LRFN2: variants seen among roughly 807,000 people sequenced by gnomAD.
The protein encoded by LRFN2 is leucine-rich repeat and fibronectin type-III domain-containing protein 2.
In LRFN2, 18 loss-of-function variants were observed where a neutral mutation model predicts 37.3. The ratio of observed to expected loss-of-function variants is 0.48; its 90% CI spans 0.33 to 0.72. The LOEUF (loss-of-function observed/expected upper bound fraction) is 0.72, where lower values mean the gene tolerates loss of function less well. Among genes scored for constraint, LRFN2 ranks in the 30% least tolerant of loss-of-function variants. The pLI is 0.02. For synonymous variants in LRFN2, 556 were observed against 466.6 expected, an observed-to-expected ratio of 1.19 and a Z score of -2.47; for missense variants, 1,006 against 1,060.7, an observed-to-expected ratio of 0.95 and a Z score of 0.72.
chr6:40,490,809 G>A (rs1479497398), intron 1 of LRFN2, among the ~76,000 whole-genome samples: 1 of 152,208 alleles, frequency 6.6e-6, no homozygotes, highest in Non-Finnish European at 1.5e-5. Context: ...ACCTGCCTGG[G>A]GCAGGGGAGA....
At chr6:40,465,445 CA>C (rs894909342) in intron 1 of LRFN2, among the ~76,000 whole-genome samples, 1 of 152,212 alleles carries the variant, frequency 6.6e-6, no homozygotes, top group African/African-American at 2.4e-5. Flanking sequence ...TGCTTATGAG[CA>C]GCCCCATATT....
chr6:40,538,608 A>G (rs913587793), intron 1 of LRFN2, among the ~76,000 whole-genome samples: 2 of 152,170 alleles, frequency 1.3e-5, no homozygotes, highest in African/African-American at 4.8e-5. Flanking sequence ...ATAAACCCCA[A>G]TCATTCCCTG....
At chr6:40,581,290 G>A (rs1045335266) in intron 1 of LRFN2, among the ~76,000 whole-genome samples, 3 of 152,182 alleles carry the variant, frequency 2.0e-5, no homozygotes, top group East Asian at 1.9e-4. Flanking sequence ...TCATGGACTC[G>A]TAAATCAAAG....
At chr6:40,555,028 C>G (rs1766842811) in intron 1 of LRFN2, among the ~76,000 whole-genome samples, 1 of 152,252 alleles carries the variant, frequency 6.6e-6, no homozygotes, top group South Asian at 2.1e-4. Context: ...TCTAACATAA[C>G]TCTGTCCTCT....
At position 40,481,671 on chromosome 6, in the gene LRFN2, C is replaced by T. The variant is rs537483281; in HGVS notation, c.-18-48540G>A. Among the ~76,000 whole-genome samples the T allele has an allele frequency of 7.9e-5, 12 of 152,198 alleles. No individual in the cohort carries two copies. The East Asian group carries it at 2.1e-3, about 27-fold the overall frequency. On this transcript the variant is annotated intron_variant, in intron 1 of 2. Coordinates refer to ENST00000338305, the MANE Select transcript of LRFN2 (RefSeq NM_020737.3). ...CCAGGGAATAGTCCACGAAGGCAGA[C>T]CTAAGGATAGGGCTCGCCTGTCCCT...
At chr6:40,496,049 G>T (rs1324035664) in intron 1 of LRFN2, among the ~76,000 whole-genome samples, 1 of 151,994 alleles carries the variant, frequency 6.6e-6, no homozygotes, top group African/African-American at 2.4e-5. Flanking sequence ...ACTCAGAAAT[G>T]CCCCACCATC....
At chr6:40,436,627 CA>C (rs1016665694) in intron 1 of LRFN2, among the ~76,000 whole-genome samples, 2 of 152,194 alleles carry the variant, frequency 1.3e-5, no homozygotes, top group African/African-American at 4.8e-5. Context: ...ACCAAGCTCC[CA>C]CCTAAGGTAG....
At chr6:40,456,107 A>T (rs992719286) in intron 1 of LRFN2, among the ~76,000 whole-genome samples, 3 of 152,216 alleles carry the variant, frequency 2.0e-5, no homozygotes, top group African/African-American at 7.2e-5. Flanking sequence ...AACTTCAAGG[A>T]ACTGAATTCT....
intron 1 of LRFN2, among the ~76,000 whole-genome samples, chr6:40,508,327 T>A (rs1765600459): frequency 6.6e-6 from 1 of 152,214 alleles, no homozygotes; most frequent in Non-Finnish European, 1.5e-5. Flanking sequence ...CTCTCTCTGC[T>A]CATCTCCCAC....
At chr6:40,498,316 T>A (rs748828751) in intron 1 of LRFN2, among the ~76,000 whole-genome samples, 4 of 152,090 alleles carry the variant, frequency 2.6e-5, no homozygotes, top group Non-Finnish European at 4.4e-5. Flanking sequence ...AATAATTGAA[T>A]CTAAGCTGCA....
chr6:40,557,291 T>A, intron 1 of LRFN2, among the ~76,000 whole-genome samples: 1 of 152,134 alleles, frequency 6.6e-6, no homozygotes, highest in East Asian at 1.9e-4. Flanking sequence ...CCAGCAGAAA[T>A]GATGTCCTCT....
chr6:40,532,626 C>T (rs1222509133), intron 1 of LRFN2, among the ~76,000 whole-genome samples: 1 of 152,230 alleles, frequency 6.6e-6, no homozygotes, highest in Non-Finnish European at 1.5e-5. Flanking sequence ...GTACCTCCTC[C>T]AAGATGCCTC....
chr6:40,526,388 A>G (rs1200747030), intron 1 of LRFN2, among the ~76,000 whole-genome samples: 2 of 152,182 alleles, frequency 1.3e-5, no homozygotes, highest in Non-Finnish European at 2.9e-5. Context: ...AAGACAGAAA[A>G]TGACAACTTT....
intron 2 of LRFN2, among the ~76,000 whole-genome samples, chr6:40,425,885 C>T (rs1243853021): frequency 1.3e-5 from 2 of 152,228 alleles, no homozygotes; most frequent in African/African-American, 4.8e-5. Flanking sequence ...TCTGAGTTAT[C>T]CATGATTTGG....
At chr6:40,468,514 G>A (rs927022256) in intron 1 of LRFN2, among the ~76,000 whole-genome samples, 1 of 152,138 alleles carries the variant, frequency 6.6e-6, no homozygotes, top group Non-Finnish European at 1.5e-5. Flanking sequence ...CTTTTGTTTT[G>A]GGTGGTGGGA....
intron 1 of LRFN2, among the ~76,000 whole-genome samples, chr6:40,461,578 C>A (rs1284012690): frequency 1.4e-5 from 2 of 146,144 alleles, no homozygotes; most frequent in East Asian, 2.0e-4. Flanking sequence ...AGCCACCCCC[C>A]TCCCCCCGAC....
intron 1 of LRFN2, among the ~76,000 whole-genome samples, chr6:40,511,867 G>A (rs1352022227): frequency 1.3e-5 from 2 of 152,208 alleles, no homozygotes; most frequent in African/African-American, 4.8e-5. Context: ...AGAAATGCAA[G>A]AGGTGTAGGT....
At chr6:40,539,622 C>T (rs1766515540) in intron 1 of LRFN2, among the ~76,000 whole-genome samples, 1 of 152,320 alleles carries the variant, frequency 6.6e-6, no homozygotes, top group South Asian at 2.1e-4. Context: ...GGAGGCACAT[C>T]CCAAGTGCAC....
intron 1 of LRFN2, among the ~76,000 whole-genome samples, chr6:40,486,555 G>A (rs1159667686): frequency 2.6e-5 from 4 of 152,168 alleles, no homozygotes; most frequent in Non-Finnish European, 5.9e-5. Flanking sequence ...AATGGGTAGA[G>A]GGTCAGAGAA....
Sources: gnomAD v4.1 joint callset for allele counts (sites outside exome capture counted in the v4.1 genomes callset) on GRCh38, gnomAD v4.1.1 for gene constraint, MANE v1.5 for transcripts, NCBI Gene and HGNC (gene_info 2026-07-23, HGNC 2026-07-21) for gene names.